The following AGXT2 variants were observed in gnomAD, a reference collection of about 807,000 sequenced individuals.
AGXT2 encodes the protein alanine--glyoxylate aminotransferase 2.
AGXT2 carries 61 observed loss-of-function variants against 62.5 expected under a neutral mutation model. That is an observed-to-expected ratio of 0.98 (90% CI 0.79 to 1.21). The LOEUF is 1.21. Among genes scored for constraint, AGXT2 ranks in the 50% most tolerant of loss-of-function variants. The pLI is 0.00. For synonymous variants in AGXT2, 243 were observed against 218.7 expected (o/e 1.11, Z -0.98); for missense variants, 666 against 641.5 (o/e 1.04, Z -0.41).
At chr5:35,036,427 A>G (rs1253246818) in intron 4 of AGXT2, among the ~76,000 whole-genome samples, 1 of 152,274 alleles carries the variant, frequency 6.6e-6, no homozygotes, top group African/African-American at 2.4e-5. Context: ...TTAAAAGATC[A>G]GTCATTTCAG....
chr5:35,007,112 C>G (rs1186387154), intron 12 of AGXT2, among the ~76,000 whole-genome samples: 3 of 152,100 alleles, frequency 2.0e-5, no homozygotes, highest in Non-Finnish European at 4.4e-5. Context: ...AAGAGTGGAA[C>G]CCTCATGAAT....
At chr5:35,017,069 T>C (rs1766870093) in intron 9 of AGXT2, among the ~76,000 whole-genome samples, 1 of 152,184 alleles carries the variant, frequency 6.6e-6, no homozygotes, top group Non-Finnish European at 1.5e-5. Flanking sequence ...CCACTGATTG[T>C]TAATTAAGAT....
At chr5:35,039,021 C>T (rs533651124) in intron 3 of AGXT2, among the ~76,000 whole-genome samples, 2 of 152,170 alleles carry the variant, frequency 1.3e-5, no homozygotes, top group Non-Finnish European at 2.9e-5. Flanking sequence ...CTTCCTTTCC[C>T]TGAATGCACC....
At chr5:34,998,981 A>C (rs1766130346) in intron 13 of AGXT2, among the ~76,000 whole-genome samples, 155 bp from the exon 14 acceptor site, 1 of 152,140 alleles carries the variant, frequency 6.6e-6, no homozygotes, top group Non-Finnish European at 1.5e-5. Flanking sequence ...TGCTGAATCC[A>C]GGCCATTCAC....
Position 35,040,683 on chromosome 5 carries a change from GA to G in AGXT2, c.89-21del. ...TACCTACTGAAAGTGAAGTGAGTTA[GA>G]ATCCTCAACTAAGCATGACATAGGT... On this transcript the variant is annotated intron_variant, in intron 1 of 13. Coordinates refer to ENST00000231420, the MANE Select transcript of AGXT2 (RefSeq NM_031900.4). 6.3e-7 allele frequency: 1 copy of G among 1,588,984 alleles called. No individual in the cohort carries two copies. The highest frequency in any genetic ancestry group is 1.7e-5 in the Admixed American group (1 of 59,986).
At chr5:35,008,581 T>C (rs1304207735) in intron 12 of AGXT2, among the ~76,000 whole-genome samples, 1 of 152,188 alleles carries the variant, frequency 6.6e-6, no homozygotes, top group Non-Finnish European at 1.5e-5. Context: ...GAATGCATGT[T>C]GGGGTCAAAA....
rs371481434 is a variant in AGXT2, at chr5:34,998,706, A to G, written c.*13T>C. 142 of 1,600,264 alleles carry G rather than the reference A, an allele frequency of 8.9e-5. 1 individual carries two copies. Among genetic ancestry groups the G allele is most frequent in the South Asian group, 4.6e-4 (42 of 90,770 alleles). On this transcript the variant is annotated 3_prime_UTR_variant, in exon 14 of 14. Transcript: ENST00000231420. ...ATTCTTGAGACTTGTGGTTTTATTT[A>G]TTTCTGACAATGTTACTTAGCTCTT... is the stretch of plus-strand genomic sequence containing the variant.
Position 35,012,978 on chromosome 5 carries a change from A to T in AGXT2, c.1164T>A (p.Cys388Ter). Residue 388 changes from cysteine to a stop codon, truncating the protein, a stop_gained, in exon 11 of 14, where the codon TGT becomes TGA. Coordinates refer to ENST00000231420, the MANE Select transcript of AGXT2 (RefSeq NM_031900.4). LOFTEE classifies it high-confidence loss of function. ...CCTCAAGCACAGCAGATCCAATGGC[A>T]CAGGCCATGGGGTTCCCTCCAAAGG... ...FNTFGGNPMA[C>*]AIGSAVLEVI... The T allele has an allele frequency of 1.9e-6, 3 of 1,551,744 alleles. No individual in the cohort carries two copies. Among genetic ancestry groups the T allele is most frequent in the Non-Finnish European group, 2.6e-6 (3 of 1,146,998 alleles).
At chr5:35,007,567 G>C (rs141791106) in intron 12 of AGXT2, among the ~76,000 whole-genome samples, 1 of 152,162 alleles carries the variant, frequency 6.6e-6, no homozygotes, top group Non-Finnish European at 1.5e-5. Context: ...AGCTTGAGTG[G>C]CATTTGGATT....
chr5:35,047,578 T>C (rs1033196727), intron 1 of AGXT2, among the ~76,000 whole-genome samples: 1 of 152,206 alleles, frequency 6.6e-6, no homozygotes, highest in Non-Finnish European at 1.5e-5. Flanking sequence ...TAGTCGGGTT[T>C]CATTATCCAC....
chr5:35,029,096 A>G (rs1767471258), intron 7 of AGXT2, among the ~76,000 whole-genome samples: 1 of 152,224 alleles, frequency 6.6e-6, no homozygotes, highest in Non-Finnish European at 1.5e-5. Context: ...TAAGGGTGTG[A>G]GAAAGGAAGA....
At chr5:35,039,576 C>T (rs550620828) in intron 2 of AGXT2, 68 bp from the exon 3 acceptor site, 11 of 1,538,218 alleles carry the variant, frequency 7.2e-6, no homozygotes, top group Non-Finnish European at 9.9e-6. Context: ...CTATGAGTAA[C>T]AGAGCCCAGG....
intron 10 of AGXT2, 125 bp downstream of exon 10, chr5:35,013,862 G>T: frequency 7.2e-7 from 1 of 1,387,902 alleles, no homozygotes; most frequent in South Asian, 1.2e-5. Context: ...TCTTTCATTT[G>T]CTTGGGAAAT....
intron 4 of AGXT2, among the ~76,000 whole-genome samples, chr5:35,036,717 T>A (rs181243188): frequency 4.9e-4 from 75 of 152,294 alleles, no homozygotes; most frequent in Middle Eastern, 3.4e-3. Flanking sequence ...ATTGGTTTGT[T>A]TCGCCAGCAA....
chr5:35,013,974 C>T lies in AGXT2; in HGVS notation c.1096+13G>A. 6.2e-7 allele frequency: 1 copy of T among 1,613,884 alleles called. No individual in the cohort carries two copies. Among genetic ancestry groups the T allele is most frequent in the African/African-American group, 1.3e-5 (1 of 75,010 alleles). ...AGGCCCAGAAGCAAACACAAACTGC[C>T]TGTGGGTCCTACCTGGAGTGGTTAT... On this transcript the variant is annotated intron_variant, in intron 10 of 13. Coordinates refer to ENST00000231420, the MANE Select transcript of AGXT2 (RefSeq NM_031900.4).
intron 11 of AGXT2, 117 bp from the exon 12 acceptor site, chr5:35,010,266 C>CA: frequency 1.5e-6 from 2 of 1,303,556 alleles, no homozygotes; most frequent in Non-Finnish European, 2.2e-6. Context: ...GAATGCAGAA[C>CA]AAGTCTAGTG....
At chr5:35,015,533 C>A (rs763502108) in intron 9 of AGXT2, among the ~76,000 whole-genome samples, 1 of 151,992 alleles carries the variant, frequency 6.6e-6, no homozygotes, top group Non-Finnish European at 1.5e-5. Context: ...CACTAGAAGC[C>A]GATTCTGAAA....
intron 9 of AGXT2, among the ~76,000 whole-genome samples, chr5:35,020,753 G>C (rs910104657): frequency 1.3e-5 from 2 of 152,122 alleles, no homozygotes; most frequent in Non-Finnish European, 2.9e-5. Context: ...GAAATAAAGG[G>C]TATTCAATAG....
At chr5:35,009,070 T>C (rs1332328582) in intron 12 of AGXT2, among the ~76,000 whole-genome samples, 2 of 152,128 alleles carry the variant, frequency 1.3e-5, no homozygotes, top group African/African-American at 4.8e-5. Flanking sequence ...CTATTGAGGC[T>C]GAGTAATTGG....
Sources: gnomAD v4.1 joint callset for allele counts (sites outside exome capture counted in the v4.1 genomes callset) on GRCh38, gnomAD v4.1.1 for gene constraint, MANE v1.5 for transcripts, NCBI Gene and HGNC (gene_info 2026-07-23, HGNC 2026-07-21) for gene names.